The following MORC2 variants were observed in gnomAD, a reference collection of about 807,000 sequenced individuals.
MORC2 encodes the protein ATPase MORC2.
MORC2 carries 30 observed loss-of-function variants against 136.0 expected under a neutral mutation model. That is an observed-to-expected ratio of 0.22 (90% CI 0.17 to 0.30). MORC2 has a LOEUF of 0.30. Among genes scored for constraint, MORC2 ranks in the 10% least tolerant of loss-of-function variants. The probability of loss-of-function intolerance (pLI) is 1.00; values close to 1 mark genes in which losing one functional copy is unlikely to be tolerated. For missense variants in MORC2, 922 were observed against 1,333.1 expected (o/e 0.69, Z 4.80); for synonymous variants, 439 against 487.0 (o/e 0.90, Z 1.30).
At chr22:30,948,519 G>A (rs1298568947) in intron 5 of MORC2, among the ~76,000 whole-genome samples, 1 of 152,232 alleles carries the variant, frequency 6.6e-6, no homozygotes, top group African/African-American at 2.4e-5. Context: ...AGCAATGATA[G>A]CATGTAATTC....
intron 1 of MORC2, among the ~76,000 whole-genome samples, chr22:30,960,906 C>T (rs564144886): frequency 1.3e-5 from 2 of 151,834 alleles, no homozygotes; most frequent in African/African-American, 4.8e-5. Flanking sequence ...ACTGCGTCGC[C>T]CAGGCTGGAG....
At chr22:30,959,852 C>T (rs187997980) in intron 1 of MORC2, among the ~76,000 whole-genome samples, 118 of 152,314 alleles carry the variant, frequency 7.7e-4, no homozygotes, top group Non-Finnish European at 1.4e-3. Flanking sequence ...TGATCGCTTA[C>T]CATATTGCAA....
intron 3 of MORC2, among the ~76,000 whole-genome samples, chr22:30,956,487 T>C (rs1248107502): frequency 6.6e-6 from 1 of 152,262 alleles, no homozygotes; most frequent in African/African-American, 2.4e-5. Context: ...CACTCTCTAC[T>C]GTTCCACTCC....
rs920872441 is a variant in MORC2, at chr22:30,968,488, G to T, written c.-599C>A. 6.6e-6 allele frequency among the ~76,000 whole-genome samples: 1 copy of T among 152,144 alleles called. No homozygotes were observed. Among genetic ancestry groups the T allele is most frequent in the Non-Finnish European group, 1.5e-5 (1 of 68,036 alleles). ...AGTGAAAAAGCTCCTAGGCACTCAC[G>T]ATTTCTTTTTTCAAAGCCGGACCAA... On this transcript the variant is annotated 5_prime_UTR_variant, in exon 1 of 26. Coordinates refer to ENST00000397641, the MANE Select transcript of MORC2 (RefSeq NM_001303256.3).
At chr22:30,952,708 T>C (rs926508829) in intron 3 of MORC2, among the ~76,000 whole-genome samples, 2 of 152,242 alleles carry the variant, frequency 1.3e-5, no homozygotes, top group Admixed American at 6.5e-5. Context: ...TTCAAATGCT[T>C]ATGCCAATCA....
chr22:30,926,649 T>C lies in MORC2; in HGVS notation c.*154A>G, dbSNP rs936020874. 1.0e-4 allele frequency: 37 copies of C among 361,572 alleles called. 1 individual carries two copies. The South Asian group carries it at 1.9e-3, about 19-fold the overall frequency. 22.4% of individuals were successfully genotyped at this position (361,572 alleles called of 1,614,324 possible). On this transcript the variant is annotated 3_prime_UTR_variant, in exon 26 of 26. Coordinates refer to ENST00000397641, the MANE Select transcript of MORC2 (RefSeq NM_001303256.3). The stretch of plus-strand genomic sequence containing the variant: ...TAAATATTTATAAACTTAAGGAAGA[T>C]TCAAAGAATCAGGGTATCTTTTCCT...
intron 24 of MORC2, among the ~76,000 whole-genome samples, chr22:30,929,664 G>A (rs2040543346): frequency 2.6e-5 from 4 of 151,628 alleles, no homozygotes; most frequent in Admixed American, 2.6e-4. Context: ...AGGAGGCTGA[G>A]GCAGGAGAAT....
intron 1 of MORC2, among the ~76,000 whole-genome samples, chr22:30,965,761 A>T (rs925692820): frequency 6.6e-6 from 1 of 152,254 alleles, no homozygotes; most frequent in East Asian, 1.9e-4. Context: ...CAAAGGGGGA[A>T]AAAGAAGGGA....
intron 1 of MORC2, among the ~76,000 whole-genome samples, chr22:30,960,862 GTTA>G (rs1386746809): frequency 1.4e-5 from 2 of 146,020 alleles, no homozygotes; most frequent in Non-Finnish European, 3.0e-5. Flanking sequence ...TGTTGTTGTT[GTTA>G]TTTTGTTTTT....
Position 30,936,555 on chromosome 22 carries a change from T to C in MORC2, c.1693A>G (p.Thr565Ala). The C allele has an allele frequency of 6.2e-7, 1 of 1,614,218 alleles. No individual in the cohort carries two copies. Among genetic ancestry groups the C allele is most frequent in the Non-Finnish European group, 8.5e-7 (1 of 1,180,034 alleles). ...TCCTGCTGCTGGCGAATTTTCTCTG[T>C]CAGTTGTTTCTGCTTCTCTTCCTGC... Reference protein sequence around the residue: ...KTQEEKQKQLTEKIRQQQEKL... With the variant: ...KTQEEKQKQLAEKIRQQQEKL... Residue 565 changes from threonine to alanine, a missense_variant, in exon 17 of 26, where the codon ACA (threonine) becomes GCA (alanine). Transcript: ENST00000397641.
At position 30,932,312 on chromosome 22, in the gene MORC2, G is replaced by A; in HGVS notation, c.2841+47C>T. The A allele has an allele frequency of 6.9e-7, 1 of 1,441,042 alleles. No individual in the cohort carries two copies. The highest frequency in any genetic ancestry group is 1.2e-5 in the South Asian group (1 of 83,794). The allele number at this position is 1,441,042 out of a possible 1,614,324, so 89.3% of individuals were successfully genotyped here. On this transcript the variant is annotated intron_variant, in intron 24 of 25. Transcript: ENST00000397641. The surrounding 1 kb of genome is among the most constrained non-coding windows in gnomAD (Gnocchi z 4.4). ...ACAGTTACAACAAATGCAGGGGCAG[G>A]GGTGGGGGAATGAAGAGTGTGGAAT...
At chr22:30,928,276 C>T (rs1167030079) in intron 24 of MORC2, 69 bp from the exon 25 acceptor site, 1 of 1,513,756 alleles carries the variant, frequency 6.6e-7, no homozygotes, top group Admixed American at 1.7e-5. Context: ...TCTAGGCTGA[C>T]ACGGGTGTCT....
intron 21 of MORC2, 78 bp downstream of exon 21, chr22:30,933,387 AT>A (rs930178473): frequency 1.4e-5 from 21 of 1,498,670 alleles, no homozygotes; most frequent in Admixed American, 1.7e-5. Context: ...CCTTTGGTAA[AT>A]TGCTGCTGGT....
intron 1 of MORC2, among the ~76,000 whole-genome samples, chr22:30,965,119 G>C (rs534621247): frequency 6.6e-6 from 1 of 152,176 alleles, no homozygotes. Context: ...GCAAGCACAC[G>C]GTCTTTTCAC....
intron 1 of MORC2, among the ~76,000 whole-genome samples, chr22:30,966,598 G>T (rs905813712): frequency 6.6e-6 from 1 of 152,040 alleles, no homozygotes; most frequent in Non-Finnish European, 1.5e-5. Context: ...AACATATAGT[G>T]AAACCCCGTC....
chr22:30,942,725 C>G (rs1048585746), intron 6 of MORC2, among the ~76,000 whole-genome samples: 1 of 152,058 alleles, frequency 6.6e-6, no homozygotes, highest in East Asian at 1.9e-4. Context: ...ATAACCCAGG[C>G]CTGGTGCAGT....
chr22:30,939,969 C>T lies in MORC2; in HGVS notation c.977G>A (p.Arg326Gln), dbSNP rs1569193677. ...LEVRLGGDLTRDSRVMLRQVQ... is the reference protein window; with the variant it reads ...LEVRLGGDLTQDSRVMLRQVQ... ...GGGCCGGGACCTTACCCTGGAGTCC[C>T]GCGTGAGGTCTCCACCTAGGCGTAC... The change falls in exon 11 of 26, where the codon CGG (arginine) becomes CAG (glutamine). Residue 326 changes from arginine to glutamine, a missense_variant. This residue lies in a region of MORC2 where 261 missense variants were observed against 354.3 expected (regional missense o/e 0.74). Coordinates refer to ENST00000397641, the MANE Select transcript of MORC2 (RefSeq NM_001303256.3). 7 of 1,613,818 alleles carry T rather than the reference C, an allele frequency of 4.3e-6. No individual in the cohort carries two copies. The highest frequency in any genetic ancestry group is 2.2e-5 in the East Asian group (1 of 44,858).
rs189421529 is a variant in MORC2, at chr22:30,932,643, G to C, written c.2649C>G (p.Val883=). Residue 883 remains valine (V), a synonymous_variant, in exon 23 of 26, where the codon GTC becomes GTG. Coordinates refer to ENST00000397641, the MANE Select transcript of MORC2 (RefSeq NM_001303256.3). This position sits in a 1 kb window ranked among gnomAD's most constrained non-coding sequence, Gnocchi z 4.4. ...GGCATTCGGAAGTGGAGGGCTCTGC[G>C]ACAGCTATGGCCTGCTGGGCCACAG... ...VGPVAQQAIA[V]AEPSTSECLR... The C allele has an allele frequency of 3.1e-6, 5 of 1,614,146 alleles. No homozygotes were observed. Among genetic ancestry groups the C allele is most frequent in the Non-Finnish European group, 4.2e-6 (5 of 1,180,032 alleles).
At chr22:30,944,579 G>C (rs1320245973) in intron 6 of MORC2, among the ~76,000 whole-genome samples, 3 of 152,002 alleles carry the variant, frequency 2.0e-5, no homozygotes, top group African/African-American at 7.3e-5. Flanking sequence ...GAAGCCCCCA[G>C]ACTTCCCCCA....
Sources: allele counts gnomAD v4.1 joint callset (sites outside exome capture counted in the v4.1 genomes callset), GRCh38; gene constraint gnomAD v4.1.1; regional missense constraint gnomAD v4.1.1; non-coding constraint Gnocchi (gnomAD v3.1); transcripts MANE v1.5; gene names NCBI Gene and HGNC (gene_info 2026-07-23, HGNC 2026-07-21).